RBFOX3: variants seen among roughly 807,000 people sequenced by gnomAD.
RBFOX3 encodes the protein RNA binding protein fox-1 homolog 3.
A neutral mutation model predicts 48.7 loss-of-function variants in RBFOX3; 17 were observed. That is an observed-to-expected ratio of 0.35 (90% CI 0.24 to 0.52). The LOEUF (loss-of-function observed/expected upper bound fraction) is 0.52. Among genes scored for constraint, RBFOX3 ranks in the 20% least tolerant of loss-of-function variants. The pLI is 0.94. For missense variants in RBFOX3, 382 were observed against 497.5 expected, an observed-to-expected ratio of 0.77 and a Z score of 2.21; for synonymous variants, 212 against 209.5, an observed-to-expected ratio of 1.01 and a Z score of -0.10.
chr17:79,583,246 G>T (rs1009423968), intron 1 of RBFOX3, among the ~76,000 whole-genome samples: 1 of 152,184 alleles, frequency 6.6e-6, no homozygotes, highest in African/African-American at 2.4e-5. Context: ...CTCTTTCACA[G>T]GGATGCTTTG....
intron 1 of RBFOX3, among the ~76,000 whole-genome samples, chr17:79,559,628 G>GAATA (rs2092048596): frequency 1.4e-5 from 1 of 72,456 alleles, no homozygotes; most frequent in African/African-American, 3.7e-5. Flanking sequence ...TGGATGGATG[G>GAATA]GTGGATGGTG....
chr17:79,608,173 C>T (rs1214680094), intron 1 of RBFOX3, among the ~76,000 whole-genome samples: 1 of 152,206 alleles, frequency 6.6e-6, no homozygotes, highest in Non-Finnish European at 1.5e-5. Flanking sequence ...GCCTGCTGAG[C>T]CACTCAGAGG....
intron 14 of RBFOX3, among the ~76,000 whole-genome samples, chr17:79,091,723 A>C (rs8072118): frequency 1.3e-5 from 2 of 152,026 alleles, no homozygotes; most frequent in Admixed American, 6.5e-5. Flanking sequence ...AGACATTTCG[A>C]AGCTTGGGGA....
intron 4 of RBFOX3, among the ~76,000 whole-genome samples, chr17:79,116,527 A>G (rs1005987018): frequency 6.6e-6 from 1 of 152,242 alleles, no homozygotes; most frequent in African/African-American, 2.4e-5. Flanking sequence ...AAATAATTTT[A>G]AGCCTCAGTT....
intron 3 of RBFOX3, among the ~76,000 whole-genome samples, chr17:79,284,509 G>C (rs182367312): frequency 4.6e-5 from 7 of 151,070 alleles, no homozygotes; most frequent in Admixed American, 3.3e-4. Flanking sequence ...GTCACAAGGA[G>C]ATGGCTGGAA....
chr17:79,598,629 C>A (rs1457894535), intron 1 of RBFOX3: 1 of 152,070 alleles, frequency 6.6e-6, no homozygotes, highest in Non-Finnish European at 1.5e-5. Context: ...AAGGGGTGAA[C>A]CTTGGAGGCT....
At chr17:79,286,974 C>T (rs1029650482) in intron 3 of RBFOX3, among the ~76,000 whole-genome samples, 3 of 152,236 alleles carry the variant, frequency 2.0e-5, no homozygotes, top group Non-Finnish European at 4.4e-5. Context: ...TGGCCAGAGA[C>T]TCTGAGAAAG....
At chr17:79,165,325 G>C (rs1174234537) in intron 4 of RBFOX3, among the ~76,000 whole-genome samples, 1 of 152,326 alleles carries the variant, frequency 6.6e-6, no homozygotes, top group Non-Finnish European at 1.5e-5. Flanking sequence ...AGTCTAATTA[G>C]GTCTAATTAA....
intron 4 of RBFOX3, among the ~76,000 whole-genome samples, chr17:79,119,010 A>AAAAAGAAAAT (rs2034980640): frequency 8.6e-6 from 1 of 116,344 alleles, no homozygotes; most frequent in African/African-American, 2.9e-5. Flanking sequence ...AAATAAAATA[A>AAAAAGAAAAT]AAAAGAAAGC....
At chr17:79,369,085 T>C (rs909868491) in intron 2 of RBFOX3, among the ~76,000 whole-genome samples, 1 of 152,078 alleles carries the variant, frequency 6.6e-6, no homozygotes, top group Non-Finnish European at 1.5e-5. Context: ...CTGGACAGCC[T>C]GGGGGCATCT....
intron 2 of RBFOX3, among the ~76,000 whole-genome samples, chr17:79,378,290 G>A (rs994357135): frequency 2.0e-5 from 3 of 152,178 alleles, no homozygotes; most frequent in African/African-American, 7.2e-5. Context: ...AAGAGTCCAA[G>A]AGGGGCTCAG....
intron 4 of RBFOX3, among the ~76,000 whole-genome samples, chr17:79,131,171 G>A (rs756552300): frequency 3.3e-5 from 5 of 151,910 alleles, no homozygotes; most frequent in African/African-American, 4.8e-5. Flanking sequence ...TGAGCCATGT[G>A]CTGCGTGTGC....
intron 3 of RBFOX3, among the ~76,000 whole-genome samples, chr17:79,279,934 C>T (rs1181760898): frequency 1.3e-5 from 2 of 152,124 alleles, no homozygotes; most frequent in Non-Finnish European, 2.9e-5. Flanking sequence ...CAAGAGGCAC[C>T]GCGTGTCTGT....
chr17:79,489,433 T>C (rs1555771434), intron 1 of RBFOX3, among the ~76,000 whole-genome samples: 12 of 152,156 alleles, frequency 7.9e-5, no homozygotes. Context: ...TAGCTGGGAC[T>C]ACAGGTGTGC....
rs1033946395 is a variant in RBFOX3 at position 79,364,779 on chromosome 17, G to T, written c.-174-56955C>A. Reference sequence around the variant, plus strand: ...GCACAGCCTCCAGGGAGAGGACCCCGCAAAGCCCCAGGATGACTACCCAGC... The same window carrying T: ...GCACAGCCTCCAGGGAGAGGACCCCTCAAAGCCCCAGGATGACTACCCAGC... On this transcript the variant is annotated intron_variant, in intron 2 of 14. Coordinates refer to ENST00000693108, the MANE Select transcript of RBFOX3 (RefSeq NM_001350451.2). This position sits in a 1 kb window ranked among gnomAD's most constrained non-coding sequence, Gnocchi z 5.1. Among the ~76,000 whole-genome samples, 1 of 152,138 alleles carries T rather than the reference G, an allele frequency of 6.6e-6. No homozygotes were observed. Among genetic ancestry groups the T allele is most frequent in the Non-Finnish European group, 1.5e-5 (1 of 68,006 alleles).
At chr17:79,643,616 A>G in the RBFOX3 span, among the ~76,000 whole-genome samples, 8 of 152,334 alleles carry the variant, frequency 5.3e-5, no homozygotes, top group East Asian at 1.3e-3. Flanking sequence ...GAACTAAATT[A>G]AAAATTGATG....
At chr17:79,351,584 C>T (rs990759147) in intron 2 of RBFOX3, among the ~76,000 whole-genome samples, 13 of 152,244 alleles carry the variant, frequency 8.5e-5, no homozygotes, top group Middle Eastern at 3.4e-3. Flanking sequence ...TCCTTGGTGA[C>T]GATGATGTGG....
At chr17:79,152,458 T>TC (rs1199696554) in intron 4 of RBFOX3, among the ~76,000 whole-genome samples, 1 of 150,872 alleles carries the variant, frequency 6.6e-6, no homozygotes, top group Non-Finnish European at 1.5e-5. Flanking sequence ...GGGACTAGGG[T>TC]GGGGGGGTAT....
intron 4 of RBFOX3, among the ~76,000 whole-genome samples, chr17:79,137,290 TC>T (rs1424802596): frequency 6.6e-6 from 1 of 151,774 alleles, no homozygotes; most frequent in African/African-American, 2.4e-5. Context: ...AGACATGCAG[TC>T]CCTGTACACG....
Sources: allele counts gnomAD v4.1 joint callset (sites outside exome capture counted in the v4.1 genomes callset), GRCh38; gene constraint gnomAD v4.1.1; non-coding constraint Gnocchi (gnomAD v3.1); transcripts MANE v1.5; gene names NCBI Gene and HGNC (gene_info 2026-07-23, HGNC 2026-07-21).